The following FBN2 variants were observed in gnomAD, a reference collection of about 807,000 sequenced individuals.
FBN2 encodes fibrillin-2.
FBN2 carries 105 observed loss-of-function variants against 355.6 expected under a neutral mutation model. The observed-to-expected ratio is 0.30, with a 90% confidence interval of 0.25 to 0.35. The LOEUF is 0.35. Among genes scored for constraint, FBN2 ranks in the 10% least tolerant of loss-of-function variants. The pLI, the probability that FBN2 is intolerant of heterozygous loss-of-function variation, is 1.00. For synonymous variants in FBN2, 1,350 were observed against 1,301.2 expected, an observed-to-expected ratio of 1.04 and a Z score of -0.81; for missense variants, 3,280 against 3,758.7, an observed-to-expected ratio of 0.87 and a Z score of 3.33.
In FBN2 at chr5:128,432,307, A is replaced by G. The variant is rs562914544; in HGVS notation, c.952+14174T>C. Among the ~76,000 whole-genome samples, 82 of 152,300 alleles carry G rather than the reference A, an allele frequency of 5.4e-4. No individual in the cohort carries two copies. In the South Asian group the frequency reaches 0.017, roughly 31 times the overall value. ...CCTATTTGTCCGTGGGCCACTTAAA[A>G]TCAACTAGCCAGTCACTAAGAAAAT... On this transcript the variant is annotated intron_variant, in intron 7 of 64. Transcript: ENST00000262464.
At chr5:128,508,000 C>T (rs537854484) in intron 5 of FBN2, among the ~76,000 whole-genome samples, 9 of 151,970 alleles carry the variant, frequency 5.9e-5, no homozygotes, top group Admixed American at 2.0e-4. Context: ...ATTAACTGAC[C>T]GCTTTATTAT....
Position 128,276,053 on chromosome 5 carries a change from C to T in FBN2, c.7579G>A (p.Gly2527Arg). The change falls in exon 59 of 65, where the codon GGA (glycine) becomes AGA (arginine). Residue 2527 changes from glycine (G) to arginine (R), a missense_variant. This residue lies in a region of FBN2 where 2,284 missense variants were observed against 2,749.5 expected (regional missense o/e 0.83). Coordinates refer to ENST00000262464, the MANE Select transcript of FBN2 (RefSeq NM_001999.4). The stretch of plus-strand genomic sequence containing the variant: ...CTTCACTCACCTTTGCATGTCTTTC[C>T]ATCCTCTTGCAGGACATACCCCCTC... ...CPRGYVLQED[G>R]KTCKDLDECQ... 6.2e-7 allele frequency: 1 copy of T among 1,613,812 alleles called. No homozygotes were observed. Among genetic ancestry groups the T allele is most frequent in the South Asian group, 1.1e-5 (1 of 91,070 alleles).
chr5:128,303,561 T>C (rs1312510786), intron 45 of FBN2, among the ~76,000 whole-genome samples: 1 of 152,228 alleles, frequency 6.6e-6, no homozygotes, highest in Non-Finnish European at 1.5e-5. Flanking sequence ...TTGAGGTTTA[T>C]TAGAATTCAC....
chr5:128,514,203 T>C (rs1280831160), intron 5 of FBN2, among the ~76,000 whole-genome samples: 2 of 152,216 alleles, frequency 1.3e-5, no homozygotes, highest in Non-Finnish European at 2.9e-5. Flanking sequence ...TAATTGGTCA[T>C]GAATTATGGA....
At chr5:128,311,601 C>A (rs556788413) in intron 38 of FBN2, among the ~76,000 whole-genome samples, 176 bp from the exon 39 acceptor site, 10 of 152,296 alleles carry the variant, frequency 6.6e-5, no homozygotes, top group Non-Finnish European at 1.3e-4. Flanking sequence ...TGTCACAGAA[C>A]TTTTACCATT....
At chr5:128,433,871 C>T (rs1040504289) in intron 7 of FBN2, among the ~76,000 whole-genome samples, 6 of 152,090 alleles carry the variant, frequency 3.9e-5, no homozygotes, top group Non-Finnish European at 8.8e-5. Flanking sequence ...CCACAGCCCT[C>T]TAGGAAAATC....
Position 128,303,072 on chromosome 5 carries a change from G to T in FBN2, c.5818C>A (p.Arg1940=), listed in dbSNP as rs755672868. The T allele has an allele frequency of 1.9e-6, 3 of 1,605,312 alleles. No homozygotes were observed. Among genetic ancestry groups the T allele is most frequent in the African/African-American group, 1.3e-5 (1 of 74,764 alleles). Residue 1940 remains arginine (R), a synonymous_variant, in exon 46 of 65, where the codon CGG becomes AGG. Coordinates refer to ENST00000262464, the MANE Select transcript of FBN2 (RefSeq NM_001999.4). ...TMCMDVDECE[R]HPCGNGTCKN... ...CAAGTTCCATTTCCACATGGATGCC[G>T]CTCGCACTCATCAACATCTATAAAG... is the stretch of plus-strand genomic sequence containing the variant.
At chr5:128,330,311 T>C (rs1271975248) in intron 33 of FBN2, among the ~76,000 whole-genome samples, 3 of 152,188 alleles carry the variant, frequency 2.0e-5, no homozygotes, top group East Asian at 3.8e-4. Flanking sequence ...GTGTTACAAA[T>C]GAGTAAGATA....
At chr5:128,397,715 A>C (rs1019017590) in intron 8 of FBN2, among the ~76,000 whole-genome samples, 2 of 152,216 alleles carry the variant, frequency 1.3e-5, no homozygotes, top group Non-Finnish European at 2.9e-5. Flanking sequence ...TGAAGGATAA[A>C]ACAGAGTCCC....
In FBN2 at chr5:128,290,722, T is replaced by C. The variant is rs774706397; in HGVS notation, c.6445+10A>G. On this transcript the variant is annotated intron_variant, in intron 50 of 64. Transcript: ENST00000262464. ...CACAAAGTGCTGTCTGATGATGTCA[T>C]TGCTCTTACCTTCATCGTCTTTGGG... 2.5e-6 allele frequency: 4 copies of C among 1,613,940 alleles called. No individual in the cohort carries two copies. Among genetic ancestry groups the C allele is most frequent in the South Asian group, 1.1e-5 (1 of 91,078 alleles).
intron 6 of FBN2, among the ~76,000 whole-genome samples, chr5:128,450,821 ACT>A (rs1415709810): frequency 2.6e-5 from 4 of 152,130 alleles, no homozygotes; most frequent in African/African-American, 2.4e-5. Context: ...AATTTGTTAC[ACT>A]CTCTTCAAAC....
intron 5 of FBN2, among the ~76,000 whole-genome samples, chr5:128,517,836 C>A (rs1756320978): frequency 1.3e-5 from 2 of 152,122 alleles, no homozygotes; most frequent in Non-Finnish European, 2.9e-5. Flanking sequence ...TTCATATATT[C>A]TAGTTTCACA....
intron 48 of FBN2, among the ~76,000 whole-genome samples, chr5:128,295,518 G>C (rs1048780738): frequency 7.5e-5 from 11 of 147,254 alleles, no homozygotes; most frequent in African/African-American, 2.6e-4. Flanking sequence ...TCCTTGAGTA[G>C]TGGTTTGTAG....
intron 7 of FBN2, among the ~76,000 whole-genome samples, chr5:128,439,465 T>G (rs928483384): frequency 7.9e-5 from 12 of 152,154 alleles, no homozygotes; most frequent in African/African-American, 2.9e-4. Flanking sequence ...AGTTTTATAT[T>G]ACACTCTCTT....
At chr5:128,533,603 T>C (rs1220589429) in intron 2 of FBN2, among the ~76,000 whole-genome samples, 1 of 152,198 alleles carries the variant, frequency 6.6e-6, no homozygotes, top group Non-Finnish European at 1.5e-5. Flanking sequence ...GTCTGAAGTT[T>C]AGTTGTCACT....
intron 13 of FBN2, among the ~76,000 whole-genome samples, chr5:128,377,176 A>T (rs1278904260): frequency 4.6e-5 from 7 of 152,220 alleles, no homozygotes; most frequent in Admixed American, 4.6e-4. Context: ...TAAGAAAATA[A>T]GGCAATGGCA....
intron 18 of FBN2, 80 bp downstream of exon 18, chr5:128,364,520 A>G: frequency 7.1e-7 from 1 of 1,407,042 alleles, no homozygotes; most frequent in Non-Finnish European, 9.9e-7. Flanking sequence ...AGTTTTAGTC[A>G]TTTGTGTTTT....
chr5:128,322,478 G>C (rs1246105025), intron 34 of FBN2, among the ~76,000 whole-genome samples: 1 of 152,074 alleles, frequency 6.6e-6, no homozygotes, highest in Non-Finnish European at 1.5e-5. Flanking sequence ...GAAAGAAAGG[G>C]GTGCAGTTTC....
At chr5:128,278,552 AT>A (rs1765452823) in intron 57 of FBN2, 82 bp downstream of exon 57, 1 of 1,257,584 alleles carries the variant, frequency 8.0e-7, no homozygotes, top group African/African-American at 1.5e-5. Context: ...GATTGTATCA[AT>A]TTTTCACTTT....
Sources: allele counts gnomAD v4.1 joint callset (sites outside exome capture counted in the v4.1 genomes callset), GRCh38; gene constraint gnomAD v4.1.1; regional missense constraint gnomAD v4.1.1; transcripts MANE v1.5; gene names NCBI Gene and HGNC (gene_info 2026-07-23, HGNC 2026-07-21).